CUX1: variants seen among roughly 807,000 people sequenced by gnomAD.
The protein encoded by CUX1 is protein CASP.
In CUX1, 31 loss-of-function variants were observed where a neutral mutation model predicts 158.8. The ratio of observed to expected loss-of-function variants is 0.20; its 90% CI spans 0.15 to 0.26. The LOEUF (loss-of-function observed/expected upper bound fraction) is 0.26. Among genes scored for constraint, CUX1 ranks in the 10% least tolerant of loss-of-function variants. The pLI is 1.00. For missense variants in CUX1, 1,589 were observed against 2,014.6 expected, an observed-to-expected ratio of 0.79 and a Z score of 4.04; for synonymous variants, 879 against 862.1, an observed-to-expected ratio of 1.02 and a Z score of -0.34.
chr7:101,848,051 C>CAAA (rs57428019), intron 1 of CUX1, among the ~76,000 whole-genome samples: 800 of 65,326 alleles, frequency 0.012, 23 homozygotes, highest in African/African-American at 0.042. Context: ...GAGCAAGACT[C>CAAA]AAAAAAAAAA....
At chr7:101,915,731 T>C (rs1477161058) in intron 1 of CUX1, among the ~76,000 whole-genome samples, 2 of 152,262 alleles carry the variant, frequency 1.3e-5, no homozygotes, top group Non-Finnish European at 2.9e-5. Context: ...GAAGGAACCC[T>C]TGGGAAGAAG....
At chr7:102,207,097 C>G (rs562528705) in intron 20 of CUX1, among the ~76,000 whole-genome samples, 1 of 152,256 alleles carries the variant, frequency 6.6e-6, no homozygotes, top group East Asian at 1.9e-4. Context: ...CTAGGAAAAA[C>G]ACACTAGGCT....
chr7:102,122,227 C>A (rs1195488842), intron 8 of CUX1, among the ~76,000 whole-genome samples: 2 of 152,128 alleles, frequency 1.3e-5, no homozygotes, highest in Non-Finnish European at 2.9e-5. Context: ...TCATCAGTTT[C>A]CAGTACGAGT....
chr7:101,970,936 G>A (rs1257782601), intron 2 of CUX1, among the ~76,000 whole-genome samples: 19 of 152,150 alleles, frequency 1.2e-4, no homozygotes, highest in Non-Finnish European at 4.4e-5. Flanking sequence ...GTTGTCTGGG[G>A]ACTTTGGGTG....
At chr7:101,918,765 C>CT (rs911822637) in intron 2 of CUX1, among the ~76,000 whole-genome samples, 11 of 151,892 alleles carry the variant, frequency 7.2e-5, no homozygotes, top group African/African-American at 1.2e-4. Flanking sequence ...CTGCTGGTAA[C>CT]TTTTTTTTTA....
intron 2 of CUX1, among the ~76,000 whole-genome samples, chr7:101,946,023 A>G (rs748149030): frequency 6.6e-5 from 10 of 152,154 alleles, no homozygotes; most frequent in South Asian, 2.1e-4. Context: ...AGAGAGGTCA[A>G]GGTAGAATTG....
rs1484642877 is a variant in CUX1, at chr7:102,255,129, C to A, written c.*6087C>A. On this transcript the variant is annotated 3_prime_UTR_variant, in exon 24 of 24. Coordinates refer to ENST00000292535, the MANE Select transcript of CUX1 (RefSeq NM_181552.4). ...AGGCCCCGGCGGCCTGTGCTCCTCACCACCCTGGTCAGGGGAATAGAAGGA... is the reference window on the plus strand; with the variant it reads ...AGGCCCCGGCGGCCTGTGCTCCTCAACACCCTGGTCAGGGGAATAGAAGGA... 4.1e-6 allele frequency: 4 copies of A among 985,262 alleles called. No homozygotes were observed. The highest frequency in any genetic ancestry group is 6.2e-5 in the Admixed American group (1 of 16,260). 61.0% of individuals were successfully genotyped at this position (985,262 alleles called of 1,614,324 possible).
chr7:102,199,421 C>T (rs1554519111), intron 16 of CUX1, among the ~76,000 whole-genome samples: 2 of 152,344 alleles, frequency 1.3e-5, no homozygotes, highest in South Asian at 4.1e-4. Flanking sequence ...GGGCCAGCCC[C>T]TGGGCCATAG....
At chr7:102,220,118 TGG>T (rs1797663047) in intron 20 of CUX1, among the ~76,000 whole-genome samples, 3 of 152,150 alleles carry the variant, frequency 2.0e-5, no homozygotes, top group African/African-American at 7.2e-5. Context: ...CCCAGCACTT[TGG>T]GAGGCTGAGG....
Position 101,817,700 on chromosome 7 carries a change from G to A in CUX1, c.30+31G>A, listed in dbSNP as rs116014840. 2,306 of 1,549,396 alleles carry A rather than the reference G, an allele frequency of 1.5e-3. 21 individuals carry two copies. In the African/African-American group the frequency reaches 0.028, roughly 19 times the overall value. On this transcript the variant is annotated intron_variant, in intron 1 of 23. Coordinates refer to ENST00000292535, the MANE Select transcript of CUX1 (RefSeq NM_181552.4). This position sits in a 1 kb window ranked among gnomAD's most constrained non-coding sequence, Gnocchi z 4.1. The stretch of plus-strand genomic sequence containing the variant: ...CGGCGTGTGGGCCAGAAGTCCCGAG[G>A]TTGCAGGCGCGGAGGGAACCGGGGA...
At chr7:102,090,874 A>G (rs1272738382) in intron 4 of CUX1, among the ~76,000 whole-genome samples, 1 of 152,224 alleles carries the variant, frequency 6.6e-6, no homozygotes, top group African/African-American at 2.4e-5. Context: ...CGGCAGCACC[A>G]TGACATATGC....
chr7:102,238,872 G>A (rs149640135), intron 22 of CUX1, among the ~76,000 whole-genome samples: 39 of 152,080 alleles, frequency 2.6e-4, no homozygotes, highest in African/African-American at 8.5e-4. Context: ...TCATCTTAGC[G>A]TTGTTTCTTT....
intron 8 of CUX1, among the ~76,000 whole-genome samples, chr7:102,123,052 GA>G (rs1285922211): frequency 6.6e-6 from 1 of 152,092 alleles, no homozygotes; most frequent in Non-Finnish European, 1.5e-5. Context: ...CCAACATGGT[GA>G]AACCCCGTCT....
chr7:101,911,845 G>A (rs1803520761), intron 1 of CUX1, among the ~76,000 whole-genome samples: 1 of 152,262 alleles, frequency 6.6e-6, no homozygotes. Flanking sequence ...GGCCGGCTGG[G>A]TGGGACTGAA....
At chr7:102,227,304 G>A (rs1324327991) in intron 20 of CUX1, 63 bp from the exon 21 acceptor site, 26 of 1,410,546 alleles carry the variant, frequency 1.8e-5, no homozygotes, top group South Asian at 1.5e-4. Context: ...GATAAGGAAC[G>A]TAGATGGTCG....
chr7:102,233,618 C>T (rs1799223046), intron 21 of CUX1, among the ~76,000 whole-genome samples: 3 of 152,120 alleles, frequency 2.0e-5, no homozygotes, highest in Admixed American at 1.3e-4. Context: ...GAAAACCCGT[C>T]TCTACTAAAA....
At chr7:102,168,397 C>T (rs1791290351) in intron 9 of CUX1, among the ~76,000 whole-genome samples, 1 of 152,106 alleles carries the variant, frequency 6.6e-6, no homozygotes, top group Admixed American at 6.5e-5. Context: ...CCTGTAATCC[C>T]AGCACTTTGG....
intron 6 of CUX1, among the ~76,000 whole-genome samples, chr7:102,107,250 G>T (rs1007138837): frequency 3.3e-5 from 5 of 151,476 alleles, no homozygotes; most frequent in African/African-American, 1.2e-4. Flanking sequence ...GAAAAGAAAA[G>T]AAAAGAGGCT....
chr7:101,964,149 C>T (rs1031857615), intron 2 of CUX1, among the ~76,000 whole-genome samples: 3 of 151,950 alleles, frequency 2.0e-5, no homozygotes, highest in Non-Finnish European at 4.4e-5. Context: ...GTTAGGAGTT[C>T]GAGACCAGCC....
Sources: allele counts gnomAD v4.1 joint callset (sites outside exome capture counted in the v4.1 genomes callset), GRCh38; gene constraint gnomAD v4.1.1; non-coding constraint Gnocchi (gnomAD v3.1); transcripts MANE v1.5; gene names NCBI Gene and HGNC (gene_info 2026-07-23, HGNC 2026-07-21).